The following HOXA2 variants were observed in gnomAD, a reference collection of about 807,000 sequenced individuals.
HOXA2 encodes the protein homeobox A2.
A neutral mutation model predicts 27.2 loss-of-function variants in HOXA2; 4 were observed. The ratio of observed to expected loss-of-function variants is 0.15; its 90% CI spans 0.07 to 0.34. The LOEUF is 0.34. Among genes scored for constraint, HOXA2 ranks in the 10% least tolerant of loss-of-function variants. The pLI is 1.00. For synonymous variants in HOXA2, 200 were observed against 202.8 expected (o/e 0.99, Z 0.12); for missense variants, 430 against 473.2 (o/e 0.91, Z 0.85).
Position 27,100,581 on chromosome 7 carries a change from C to T in HOXA2, c.*145G>A. On this transcript the variant is annotated 3_prime_UTR_variant, in exon 2 of 2. Coordinates refer to ENST00000222718, the MANE Select transcript of HOXA2 (RefSeq NM_006735.4). ...TCTGTTTGAAACTGGGTCAGGGAAT[C>T]ACTAAACAGAAAATCCTCAACACTT... The T allele has an allele frequency of 2.4e-6, 2 of 836,460 alleles. No individual in the cohort carries two copies. The highest frequency in any genetic ancestry group is 1.9e-6 in the Non-Finnish European group (1 of 521,738). 51.8% of individuals were successfully genotyped at this position (836,460 alleles called of 1,614,324 possible). A position where few individuals can be genotyped will look rare whatever the true frequency, so the allele number is the denominator to read the frequency against.
chr7:27,102,166 G>T lies in HOXA2; in HGVS notation c.335C>A (p.Ala112Asp). The T allele has an allele frequency of 6.4e-7, 1 of 1,572,422 alleles. No individual in the cohort carries two copies. Among genetic ancestry groups the T allele is most frequent in the Non-Finnish European group, 8.6e-7 (1 of 1,159,304 alleles). ...TGCGGCGGTGGCGGCGGCGGCGGCG[G>T]CCGGCAGAAGTGCGGTTTTCTTGGC... ...KAAKKTALLP[A>D]AAAAATAAAT... Residue 112 changes from alanine to aspartate, a missense_variant, in exon 1 of 2, where the codon GCC becomes GAC. Physicochemically the swap from Ala to Asp is moderately radical, Grantham distance 126. Around this residue, in one of 4 missense-constraint regions of HOXA2, gnomAD observed 166 missense variants for 207.6 expected, o/e 0.80. Transcript: ENST00000222718. The surrounding 1 kb of genome is among the most constrained non-coding windows in gnomAD (Gnocchi z 4.6).
intron 1 of HOXA2, 48 bp from the exon 2 acceptor site, chr7:27,101,513 A>T (rs1483254123): frequency 6.3e-7 from 1 of 1,594,208 alleles, no homozygotes; most frequent in Non-Finnish European, 8.5e-7. Context: ...TTGGAGGTGG[A>T]GGGGTCCGAG....
Position 27,100,851 on chromosome 7 carries a change from G to C in HOXA2, c.1006C>G (p.Leu336Val), listed in dbSNP as rs149108490. 11 of 1,614,142 alleles carry C rather than the reference G, an allele frequency of 6.8e-6. No homozygotes were observed. The African/African-American group carries it at 1.5e-4, about 22-fold the overall frequency. Residue 336 changes from leucine to valine, a missense_variant, in exon 2 of 2, where the codon CTT becomes GTT. Transcript: ENST00000222718. Reference sequence around the variant, plus strand: ...AAACTGGGTGAAACTGCATCTGAAAGCTGCAGGCAGGAATCTGTGGAGAAA... The same window carrying C: ...AAACTGGGTGAAACTGCATCTGAAACCTGCAGGCAGGAATCTGTGGAGAAA... ...SVFSTDSCLQ[L>V]SDAVSPSLPG...
In HOXA2 at chr7:27,100,531, T is replaced by G; in HGVS notation, c.*195A>C. On this transcript the variant is annotated 3_prime_UTR_variant, in exon 2 of 2. Transcript: ENST00000222718. ...GAGTTAGGTTTAAAACAACTAAAAC[T>G]CCAAAATAATCTGTAAAAGATGGCT... 1 of 635,182 alleles carries G rather than the reference T, an allele frequency of 1.6e-6. No individual in the cohort carries two copies. Among genetic ancestry groups the G allele is most frequent in the Non-Finnish European group, 2.7e-6 (1 of 369,564 alleles). The allele number at this position is 635,182 out of a possible 1,614,324, so 39.3% of individuals were successfully genotyped here. A position where few individuals can be genotyped will look rare whatever the true frequency, so the allele number is the denominator to read the frequency against.
rs767344427 is a variant in HOXA2 at position 27,102,028 on chromosome 7, C to T, written c.391+82G>A. ...TCCTCCTTCTCTCCCAGCCCACTCT[C>T]CCCTCCCCCCACAGCCACTCTCGGG... On this transcript the variant is annotated intron_variant, in intron 1 of 1. Transcript: ENST00000222718. This position sits in a 1 kb window ranked among gnomAD's most constrained non-coding sequence, Gnocchi z 4.6. 2 of 1,566,448 alleles carry T rather than the reference C, an allele frequency of 1.3e-6. No homozygotes were observed. Among genetic ancestry groups the T allele is most frequent in the Admixed American group, 1.8e-5 (1 of 56,494 alleles).
chr7:27,102,459 G>A lies in HOXA2; in HGVS notation c.42C>T (p.Ser14=). The change falls in exon 1 of 2, where the codon AGC becomes AGT. Residue 14 remains serine, a synonymous_variant. Transcript: ENST00000222718. This position sits in a 1 kb window ranked among gnomAD's most constrained non-coding sequence, Gnocchi z 4.6. Reference sequence around the variant, plus strand: ...TCAGGCACTCAGCGAGCGACGGCTGGCTATTGATAAAACCAATCTCTCGCT... The same window carrying A: ...TCAGGCACTCAGCGAGCGACGGCTGACTATTGATAAAACCAATCTCTCGCT... The part of the protein sequence containing the change: ...EFEREIGFIN[S]QPSLAECLTS... The A allele has an allele frequency of 6.2e-7, 1 of 1,614,072 alleles. No homozygotes were observed. The highest frequency in any genetic ancestry group is 8.5e-7 in the Non-Finnish European group (1 of 1,179,976).
Position 27,100,759 on chromosome 7 carries a change from G to A in HOXA2, c.1098C>T (p.Leu366=), listed in dbSNP as rs1169691574. Residue 366 remains leucine (L), a synonymous_variant, in exon 2 of 2, where the codon CTC becomes CTT. Coordinates refer to ENST00000222718, the MANE Select transcript of HOXA2 (RefSeq NM_006735.4). ...TCAGATGCTGCAAGTCGATTGTGGT[G>A]AGTGTGTCTGTAAAAAAGTCTAAGC... The part of the protein sequence containing the change: ...ADSLDFFTDT[L]TTIDLQHLNY 4 of 1,614,104 alleles carry A rather than the reference G, an allele frequency of 2.5e-6. No individual in the cohort carries two copies. The African/African-American group carries it at 4.0e-5, about 16-fold the overall frequency.
chr7:27,100,456 A>G lies in HOXA2; in HGVS notation c.*270T>C. ...AAAGTGAAGATACAATTATATGATC[A>G]CTTTCTTGCAGGCCTCATACTGCTC... On this transcript the variant is annotated 3_prime_UTR_variant, in exon 2 of 2. Coordinates refer to ENST00000222718, the MANE Select transcript of HOXA2 (RefSeq NM_006735.4). The G allele has an allele frequency of 2.2e-6, 1 of 453,696 alleles. No individual in the cohort carries two copies. The highest frequency in any genetic ancestry group is 4.0e-5 in the East Asian group (1 of 24,820). The allele number at this position is 453,696 out of a possible 1,614,324, so 28.1% of individuals were successfully genotyped here. A position where few individuals can be genotyped will look rare whatever the true frequency, so the allele number is the denominator to read the frequency against.
chr7:27,102,557 G>T lies in HOXA2; in HGVS notation c.-57C>A, dbSNP rs191710586. Reference sequence around the variant, plus strand: ...AGTTCCCTCTTTTGGAGGGGCTTTGGGGGGGCAAGGCCTAGGAAAAAGGCG... The same window carrying T: ...AGTTCCCTCTTTTGGAGGGGCTTTGTGGGGGCAAGGCCTAGGAAAAAGGCG... On this transcript the variant is annotated 5_prime_UTR_variant, in exon 1 of 2. Transcript: ENST00000222718. The surrounding 1 kb of genome is among the most constrained non-coding windows in gnomAD (Gnocchi z 4.6). 3.7e-5 allele frequency: 58 copies of T among 1,558,802 alleles called. No homozygotes were observed. In the South Asian group the frequency reaches 5.0e-4, roughly 13 times the overall value.
In HOXA2 at chr7:27,102,602, C is replaced by A. The variant is rs1783948958; in HGVS notation, c.-102G>T. The A allele has an allele frequency of 8.6e-7, 1 of 1,165,246 alleles. No homozygotes were observed. The allele number at this position is 1,165,246 out of a possible 1,614,324, so 72.2% of individuals were successfully genotyped here. Reference sequence around the variant, plus strand: ...AAGGCGAGCGCAGAGGAAAAAAAATCTATCATAGAATATCGCTGCTAGGGT... The same window carrying A: ...AAGGCGAGCGCAGAGGAAAAAAAATATATCATAGAATATCGCTGCTAGGGT... On this transcript the variant is annotated 5_prime_UTR_variant, in exon 1 of 2. Coordinates refer to ENST00000222718, the MANE Select transcript of HOXA2 (RefSeq NM_006735.4). This position sits in a 1 kb window ranked among gnomAD's most constrained non-coding sequence, Gnocchi z 4.6.
chr7:27,102,052 G>A lies in HOXA2; in HGVS notation c.391+58C>T. 6.3e-7 allele frequency: 1 copy of A among 1,597,576 alleles called. No individual in the cohort carries two copies. The highest frequency in any genetic ancestry group is 8.5e-7 in the Non-Finnish European group (1 of 1,174,308). ...TCCCCTCCCCCCACAGCCACTCTCG[G>A]GGCAGCCCGGAGAAGGAAGAGGGTC... On this transcript the variant is annotated intron_variant, in intron 1 of 1. Transcript: ENST00000222718. The surrounding 1 kb of genome is among the most constrained non-coding windows in gnomAD (Gnocchi z 4.6).
In HOXA2 at chr7:27,102,164, C is replaced by T; in HGVS notation, c.337G>A (p.Ala113Thr). 6.3e-7 allele frequency: 1 copy of T among 1,574,956 alleles called. No homozygotes were observed. The highest frequency in any genetic ancestry group is 8.6e-7 in the Non-Finnish European group (1 of 1,160,704). ...GCTGCGGCGGTGGCGGCGGCGGCGG[C>T]GGCCGGCAGAAGTGCGGTTTTCTTG... ...AAKKTALLPA[A>T]AAAATAAATG... The change falls in exon 1 of 2, where the codon GCC becomes ACC. Residue 113 changes from alanine (A) to threonine (T), a missense_variant. By Grantham distance (58) the Ala-to-Thr change is moderately conservative. This residue lies in a region of HOXA2 where 166 missense variants were observed against 207.6 expected (regional missense o/e 0.80). Coordinates refer to ENST00000222718, the MANE Select transcript of HOXA2 (RefSeq NM_006735.4). The surrounding 1 kb of genome is among the most constrained non-coding windows in gnomAD (Gnocchi z 4.6).
rs751457659 is a variant in HOXA2, at chr7:27,101,395, C to T, written c.462G>A (p.Gln154=). ...GAAATTCTTTTTCCAGCTCTAGAAGCTGTGTGTTGGTGTAAGCAGTTCTCA... is the reference window on the plus strand; with the variant it reads ...GAAATTCTTTTTCCAGCTCTAGAAGTTGTGTGTTGGTGTAAGCAGTTCTCA... ...RRLRTAYTNT[Q]LLELEKEFHF... The change falls in exon 2 of 2, where the codon CAG becomes CAA. Residue 154 remains glutamine, a synonymous_variant. Transcript: ENST00000222718. 6.2e-7 allele frequency: 1 copy of T among 1,606,114 alleles called. No homozygotes were observed. Among genetic ancestry groups the T allele is most frequent in the African/African-American group, 1.3e-5 (1 of 74,924 alleles).
chr7:27,101,224 T>C lies in HOXA2; in HGVS notation c.633A>G (p.Glu211=). 6.2e-7 allele frequency: 1 copy of C among 1,614,234 alleles called. No homozygotes were observed. Among genetic ancestry groups the C allele is most frequent in the Non-Finnish European group, 8.5e-7 (1 of 1,180,038 alleles). ...QTQCKENQNS[E]GKCKSLEDSE... ...AGTCCTCAAGGCTTTTACATTTCCCTTCGCTGTTTTGGTTTTCCTTGCACT... is the reference window on the plus strand; with the variant it reads ...AGTCCTCAAGGCTTTTACATTTCCCCTCGCTGTTTTGGTTTTCCTTGCACT... Residue 211 remains glutamate (E), a synonymous_variant, in exon 2 of 2, where the codon GAA becomes GAG. Transcript: ENST00000222718.
rs187162003 is a variant in HOXA2 at position 27,102,421 on chromosome 7, G to A, written c.80C>T (p.Pro27Leu). ...SLAECLTSFP[P>L]VADTFQSSSI... Reference sequence around the variant, plus strand: ...TGAACTTTGAAATGTATCAGCGACAGGGGGAAAAGATGTCAGGCACTCAGC... The same window carrying A: ...TGAACTTTGAAATGTATCAGCGACAAGGGGAAAAGATGTCAGGCACTCAGC... The change falls in exon 1 of 2, where the codon CCT (proline) becomes CTT (leucine). Residue 27 changes from proline (P) to leucine (L), a missense_variant. Around this residue, in one of 4 missense-constraint regions of HOXA2, gnomAD observed 166 missense variants for 207.6 expected, o/e 0.80. Transcript: ENST00000222718. This position sits in a 1 kb window ranked among gnomAD's most constrained non-coding sequence, Gnocchi z 4.6. The A allele has an allele frequency of 3.1e-6, 5 of 1,614,094 alleles. No individual in the cohort carries two copies. In the South Asian group the frequency reaches 5.5e-5, roughly 18 times the overall value.
chr7:27,101,562 A>C, intron 1 of HOXA2, 97 bp from the exon 2 acceptor site: 1 of 1,408,830 alleles, frequency 7.1e-7, no homozygotes, highest in South Asian at 1.2e-5. Context: ...AGCAGAAAAG[A>C]TCAACTGCAA....
chr7:27,101,758 C>T (rs1783930828), intron 1 of HOXA2: 1 of 673,756 alleles, frequency 1.5e-6, no homozygotes, highest in Admixed American at 2.1e-5. Flanking sequence ...AGCTGCTTAG[C>T]TGAGCAAGAG....
In HOXA2 at chr7:27,101,125, C is replaced by T. The variant is rs754033891; in HGVS notation, c.732G>A (p.Leu244=). ...EQALSVSGAL[L]EREGYTFQQN... Reference sequence around the variant, plus strand: ...GCTGAAAAGTGTAGCCTTCCCTCTCCAGAAGGGCCCCAGAGACGCTAAGGG... The same window carrying T: ...GCTGAAAAGTGTAGCCTTCCCTCTCTAGAAGGGCCCCAGAGACGCTAAGGG... Residue 244 remains leucine, a synonymous_variant, in exon 2 of 2, where the codon CTG becomes CTA. Coordinates refer to ENST00000222718, the MANE Select transcript of HOXA2 (RefSeq NM_006735.4). The T allele has an allele frequency of 1.2e-5, 19 of 1,614,090 alleles. No homozygotes were observed. The highest frequency in any genetic ancestry group is 1.2e-4 in the Admixed American group (7 of 59,998).
rs1238618472 is a variant in HOXA2, at chr7:27,100,874, A to G, written c.983T>C (p.Phe328Ser). The change falls in exon 2 of 2, where the codon TTC becomes TCC. Residue 328 changes from phenylalanine to serine, a missense_variant. By Grantham distance (155) the Phe-to-Ser change is radical. Transcript: ENST00000222718. The part of the protein sequence containing the change: ...EVPSLQDFSV[F>S]STDSCLQLSD... ...AAGCTGCAGGCAGGAATCTGTGGAG[A>G]AAACGCTAAAGTCCTGCAAAGAGGG... 6.2e-7 allele frequency: 1 copy of G among 1,614,102 alleles called. No homozygotes were observed. The highest frequency in any genetic ancestry group is 8.5e-7 in the Non-Finnish European group (1 of 1,180,046).
Sources: gnomAD v4.1 joint callset for allele counts on GRCh38, gnomAD v4.1.1 for gene constraint, gnomAD v4.1.1 regional missense constraint, Gnocchi (gnomAD v3.1) non-coding constraint, MANE v1.5 for transcripts, NCBI Gene and HGNC (gene_info 2026-07-23, HGNC 2026-07-21) for gene names.